Variants in MICAL2 observed in about 807,000 individuals in gnomAD.
MICAL2 encodes the protein [F-actin]-monooxygenase MICAL2.
A neutral mutation model predicts 127.3 loss-of-function variants in MICAL2; 77 were observed. That is an observed-to-expected ratio of 0.60 (90% CI 0.50 to 0.73). MICAL2 has a LOEUF of 0.73. MICAL2 is among the 30% of genes least tolerant of loss of function. MICAL2 has a pLI of 0.00. For synonymous variants in MICAL2, 570 were observed against 551.1 expected, an observed-to-expected ratio of 1.03 and a Z score of -0.48; for missense variants, 1,351 against 1,434.4, an observed-to-expected ratio of 0.94 and a Z score of 0.94.
At chr11:12,270,405 G>A (rs1863662035) in intron 24 of MICAL2, among the ~76,000 whole-genome samples, 2 of 152,200 alleles carry the variant, frequency 1.3e-5, no homozygotes, top group Admixed American at 1.3e-4. Context: ...TGGGGCTGGA[G>A]GGCAGGATCC....
At chr11:12,251,621 GGGGTGGATGTGT>G (rs1861568663) in intron 22 of MICAL2, among the ~76,000 whole-genome samples, 1 of 151,086 alleles carries the variant, frequency 6.6e-6, no homozygotes, top group Non-Finnish European at 1.5e-5. Flanking sequence ...TCACCCTCTC[GGGGTGGATGTGT>G]GGGTGCCACG....
At chr11:12,209,715 A>G in intron 6 of MICAL2, 117 bp downstream of exon 6, 2 of 897,624 alleles carry the variant, frequency 2.2e-6, no homozygotes, top group Non-Finnish European at 3.6e-6. Context: ...GGAGGTTTTG[A>G]TAGGAGGGCA....
intron 3 of MICAL2, among the ~76,000 whole-genome samples, chr11:12,162,783 A>G (rs1854986214): frequency 6.6e-6 from 1 of 152,234 alleles, no homozygotes; most frequent in African/African-American, 2.4e-5. Context: ...TTCAATGAAC[A>G]GCTACAGCAG....
At chr11:12,119,494 A>G (rs1361997603) in intron 1 of MICAL2, among the ~76,000 whole-genome samples, 1 of 152,184 alleles carries the variant, frequency 6.6e-6, no homozygotes, top group African/African-American at 2.4e-5. Context: ...TGTAATCTCT[A>G]AAAAAGGTAG....
chr11:12,354,298 G>A (rs1288265904), intron 33 of MICAL2, among the ~76,000 whole-genome samples: 1 of 152,198 alleles, frequency 6.6e-6, no homozygotes, highest in Non-Finnish European at 1.5e-5. Flanking sequence ...CCAACAGGGT[G>A]AAACCCTGTC....
chr11:12,262,144 G>A, intron 26 of MICAL2: 1 of 1,189,498 alleles, frequency 8.4e-7, no homozygotes, highest in Non-Finnish European at 1.1e-6. Context: ...CCGACACCCA[G>A]GGGTGGACCC....
intron 5 of MICAL2, among the ~76,000 whole-genome samples, chr11:12,209,008 A>G (rs1855087245): frequency 7.1e-6 from 1 of 140,808 alleles, no homozygotes; most frequent in African/African-American, 2.8e-5. Context: ...TTAATTAGCC[A>G]GGCTTCACCT....
intron 29 of MICAL2, among the ~76,000 whole-genome samples, chr11:12,305,125 G>A (rs146016738): frequency 6.6e-6 from 1 of 152,224 alleles, no homozygotes; most frequent in African/African-American, 2.4e-5. Flanking sequence ...TTCTCACACT[G>A]CTATAAATAT....
At chr11:12,240,958 C>G (rs1292418197) in intron 17 of MICAL2, 82 bp from the exon 18 acceptor site, 9 of 1,526,516 alleles carry the variant, frequency 5.9e-6, no homozygotes, top group Middle Eastern at 1.8e-4. Flanking sequence ...CTTCTCTTCT[C>G]CCTCCAAGCC....
At chr11:12,246,681 T>A (rs1860797308) in intron 21 of MICAL2, among the ~76,000 whole-genome samples, 1 of 152,140 alleles carries the variant, frequency 6.6e-6, no homozygotes, top group Non-Finnish European at 1.5e-5. Flanking sequence ...GCTCACTGCG[T>A]CCTCAAACTT....
chr11:12,343,949 G>C (rs538559775), intron 32 of MICAL2, among the ~76,000 whole-genome samples: 1 of 152,266 alleles, frequency 6.6e-6, no homozygotes, highest in African/African-American at 2.4e-5. Context: ...CAGTGTCTTG[G>C]ATGTAGCATT....
chr11:12,157,119 A>G (rs745766877), intron 2 of MICAL2, among the ~76,000 whole-genome samples: 3 of 152,228 alleles, frequency 2.0e-5, no homozygotes, highest in Non-Finnish European at 4.4e-5. Flanking sequence ...GGTTCTGCCT[A>G]GTGTCCACCC....
intron 32 of MICAL2, among the ~76,000 whole-genome samples, chr11:12,329,121 C>T (rs1864386082): frequency 6.6e-6 from 1 of 152,232 alleles, no homozygotes; most frequent in Non-Finnish European, 1.5e-5. Flanking sequence ...TAGCCAGTGC[C>T]TGGCATGGAG....
intron 2 of MICAL2, among the ~76,000 whole-genome samples, chr11:12,146,469 C>G (rs1461128056): frequency 6.6e-6 from 1 of 152,234 alleles, no homozygotes; most frequent in Non-Finnish European, 1.5e-5. Flanking sequence ...AAATGCTCAT[C>G]ATCACTGGCC....
intron 1 of MICAL2, among the ~76,000 whole-genome samples, chr11:12,121,819 C>T (rs1307285773): frequency 6.6e-6 from 1 of 152,180 alleles, no homozygotes; most frequent in Non-Finnish European, 1.5e-5. Flanking sequence ...CTGTTCTCTT[C>T]CATGTATGTC....
chr11:12,208,060 C>G lies in MICAL2; in HGVS notation c.510C>G (p.Ala170=), dbSNP rs1451018504. The change falls in exon 5 of 28, where the codon GCC becomes GCG. Residue 170 remains alanine (A), a synonymous_variant. Coordinates refer to ENST00000683283, the MANE Select transcript of MICAL2 (RefSeq NM_001282663.2). ...RQLQLILFKV[A]LMLGVEIHVN... ...TACAGCTCATCCTATTCAAGGTGGC[C>G]CTGATGCTGGGAGTTGAAATCCATG... 1 of 1,613,996 alleles carries G rather than the reference C, an allele frequency of 6.2e-7. No homozygotes were observed. Among genetic ancestry groups the G allele is most frequent in the Non-Finnish European group, 8.5e-7 (1 of 1,180,026 alleles).
chr11:12,331,842 T>C (rs947365307), intron 32 of MICAL2, among the ~76,000 whole-genome samples: 7 of 152,160 alleles, frequency 4.6e-5, no homozygotes, highest in African/African-American at 1.7e-4. Flanking sequence ...AAATATTCCT[T>C]CTCTTTTCTT....
Position 12,312,915 on chromosome 11 carries a change from T to C in MICAL2, c.5213-6781T>C, listed in dbSNP as rs112148593. On this transcript the variant is annotated intron_variant, in intron 29 of 34. Coordinates refer to the MICAL2 transcript ENST00000646065. ...GGCGCTGTGGCTCACGCCTGTAATC[T>C]CAGCACTTTGGGAGGCCGAGATGGG... Among the ~76,000 whole-genome samples the C allele has an allele frequency of 1.9e-3, 295 of 152,024 alleles. 2 individuals carry two copies. Among genetic ancestry groups the C allele is most frequent in the African/African-American group, 6.7e-3 (277 of 41,480 alleles).
intron 30 of MICAL2, among the ~76,000 whole-genome samples, chr11:12,321,344 A>G (rs1385639013): frequency 3.3e-5 from 5 of 152,164 alleles, no homozygotes; most frequent in Admixed American, 2.0e-4. Flanking sequence ...TGTCTCTTCT[A>G]TCCCATGCAG....
Sources: gnomAD v4.1 joint callset for allele counts (sites outside exome capture counted in the v4.1 genomes callset) on GRCh38, gnomAD v4.1.1 for gene constraint, MANE v1.5 for transcripts, NCBI Gene and HGNC (gene_info 2026-07-23, HGNC 2026-07-21) for gene names.